Variants in HNRNPK observed in about 807,000 individuals in gnomAD.
HNRNPK encodes the protein dC-stretch binding protein.
HNRNPK carries 7 observed loss-of-function variants against 67.0 expected under a neutral mutation model. The ratio of observed to expected loss-of-function variants is 0.10; its 90% confidence interval spans 0.06 to 0.20. The LOEUF is 0.20. Ranked by LOEUF, HNRNPK falls within the 10% of genes least tolerant of loss-of-function variation. The pLI, the probability that HNRNPK is intolerant of heterozygous loss-of-function variation, is 1.00. For synonymous variants in HNRNPK, 213 were observed against 193.7 expected (o/e 1.10, Z -0.83); for missense variants, 264 against 606.5 (o/e 0.44, Z 5.93).
chr9:83,971,223 A>G, intron 13 of HNRNPK, 50 bp downstream of exon 13: 5 of 1,186,110 alleles, frequency 4.2e-6, no homozygotes, highest in Non-Finnish European at 6.3e-6. Context: ...AGAGCAGGTA[A>G]GCATCTTAAA....
rs749075045 is a variant in HNRNPK at position 83,971,876 on chromosome 9, A to G, written c.953+6T>C. The G allele has an allele frequency of 2.6e-6, 4 of 1,554,560 alleles. No homozygotes were observed. In the South Asian group the frequency reaches 4.9e-5, roughly 19 times the overall value. On this transcript the variant is annotated splice_donor_region_variant and intron_variant, in intron 11 of 16. Coordinates refer to ENST00000376263, the MANE Select transcript of HNRNPK (RefSeq NM_031263.4). ...AAAAACAACAACAACAAAAAAAACA[A>G]CTTACCCCCCTCTAGGTGGTGGTGG...
intron 4 of HNRNPK, among the ~76,000 whole-genome samples, chr9:83,977,328 T>G (rs1055008543): frequency 6.6e-6 from 1 of 152,088 alleles, no homozygotes; most frequent in Non-Finnish European, 1.5e-5. Flanking sequence ...TTTGGTAAAA[T>G]AAGTCAATTA....
Position 83,976,942 on chromosome 9 carries a change from T to C in HNRNPK, c.213+53A>G, listed in dbSNP as rs2274915. 0.23 allele frequency: 225,592 copies of C among 969,078 alleles called. 28,724 individuals carry two copies. Among genetic ancestry groups the C allele is most frequent in the Non-Finnish European group, 0.27 (167,829 of 624,774 alleles). 60.0% of individuals were successfully genotyped at this position (969,078 alleles called of 1,614,324 possible). A position where few individuals can be genotyped will look rare whatever the true frequency, so the allele number is the denominator to read the frequency against. On this transcript the variant is annotated intron_variant, in intron 5 of 16. Transcript: ENST00000376263. ...TAGGATGTAAATCTTTAAATTTCTA[T>C]AGACATATAAACTGAAGCTGCTCGT... is the stretch of plus-strand genomic sequence containing the variant.
At chr9:83,979,229 G>A (rs149293403) in intron 1 of HNRNPK, among the ~76,000 whole-genome samples, 1 of 152,298 alleles carries the variant, frequency 6.6e-6, no homozygotes, top group Admixed American at 6.5e-5. Flanking sequence ...AGACAGCAAA[G>A]AGCCAACAAG....
chr9:83,972,393 A>G (rs1048943936), intron 10 of HNRNPK: 3 of 561,780 alleles, frequency 5.3e-6, no homozygotes, highest in Middle Eastern at 4.6e-4. Flanking sequence ...ATGCTAAACA[A>G]AAGTGAGTTC....
In HNRNPK at chr9:83,979,603, C is replaced by T. The variant is rs545288881; in HGVS notation, c.-108+550G>A. Among the ~76,000 whole-genome samples, 4 of 152,328 alleles carry T rather than the reference C, an allele frequency of 2.6e-5. No individual in the cohort carries two copies. The South Asian group carries it at 8.3e-4, about 32-fold the overall frequency. On this transcript the variant is annotated intron_variant, in intron 1 of 16. Coordinates refer to ENST00000376263, the MANE Select transcript of HNRNPK (RefSeq NM_031263.4). Reference sequence around the variant, plus strand: ...AGTCGACAGCAGAAGCACCGCACCTCTCCTCACCCGGATCCGACAGGAAAT... The same window carrying T: ...AGTCGACAGCAGAAGCACCGCACCTTTCCTCACCCGGATCCGACAGGAAAT...
intron 7 of HNRNPK, 28 bp downstream of exon 7, chr9:83,974,482 TATTGTCA>T: frequency 9.7e-7 from 1 of 1,035,584 alleles, no homozygotes; most frequent in Non-Finnish European, 1.5e-6. Context: ...TCCCCCCTCA[TATTGTCA>T]AATACATTTA....
chr9:83,970,420 A>G (rs1196312851), intron 15 of HNRNPK, 89 bp from the exon 16 acceptor site: 1 of 1,044,672 alleles, frequency 9.6e-7, no homozygotes, highest in Non-Finnish European at 1.4e-6. Context: ...TATTAATTTT[A>G]TTCATTCAGA....
At chr9:83,977,932 T>A in intron 3 of HNRNPK, 146 bp from the exon 4 acceptor site, 1 of 617,710 alleles carries the variant, frequency 1.6e-6, no homozygotes, top group Non-Finnish European at 2.8e-6. Context: ...TGCTTCCATC[T>A]AGTAAAATGC....
At chr9:83,978,627 G>A (rs1280602310) in intron 1 of HNRNPK, among the ~76,000 whole-genome samples, 175 bp from the exon 2 acceptor site, 1 of 152,098 alleles carries the variant, frequency 6.6e-6, no homozygotes, top group Non-Finnish European at 1.5e-5. Flanking sequence ...AAAATTCAAG[G>A]GAGCCTGGTT....
chr9:83,971,289 A>G lies in HNRNPK; in HGVS notation c.1076T>C (p.Met359Thr), dbSNP rs1956826470. ...ATACTCAACCTGTGGTTCATAAGCC[A>G]TCTGCCATTCTGATGGGCTCCATGT... ...IDTWSPSEWQ[M>T]AYEPQGGSGY... Residue 359 changes from methionine (M) to threonine (T), a missense_variant, in exon 13 of 17, where the codon ATG becomes ACG. By Grantham distance (81) the Met-to-Thr change is moderately conservative. Transcript: ENST00000376263. The G allele has an allele frequency of 6.2e-7, 1 of 1,607,984 alleles. No homozygotes were observed. Among genetic ancestry groups the G allele is most frequent in the Non-Finnish European group, 8.5e-7 (1 of 1,174,482 alleles).
intron 7 of HNRNPK, 93 bp downstream of exon 7, chr9:83,974,424 G>C (rs1376324792): frequency 5.0e-6 from 3 of 594,756 alleles, no homozygotes; most frequent in Non-Finnish European, 8.9e-6. Context: ...CATATCCATT[G>C]TCTCTCCACC....
At position 83,971,323 on chromosome 9, in the gene HNRNPK, C is replaced by T. The variant is rs1014910492; in HGVS notation, c.1042G>A (p.Ala348Thr). 1.9e-5 allele frequency: 31 copies of T among 1,612,276 alleles called. No homozygotes were observed. The highest frequency in any genetic ancestry group is 2.6e-5 in the Non-Finnish European group (31 of 1,178,440). ...TCTGATGGGCTCCATGTATCTATTG[C>T]AGAGTCCCAAGTTTCATCAGCACTG... is the stretch of plus-strand genomic sequence containing the variant. ...GFSADETWDSAIDTWSPSEWQ... is the reference protein window; with the variant it reads ...GFSADETWDSTIDTWSPSEWQ... Residue 348 changes from alanine (A) to threonine (T), a missense_variant, in exon 13 of 17, where the codon GCA becomes ACA. Coordinates refer to ENST00000376263, the MANE Select transcript of HNRNPK (RefSeq NM_031263.4).
chr9:83,978,291 T>C lies in HNRNPK; in HGVS notation c.-27-12A>G. On this transcript the variant is annotated splice_polypyrimidine_tract_variant and intron_variant, in intron 2 of 16. Transcript: ENST00000376263. ...ACGGGCACACCAATCTGTGGAAAAATAAAGCAGCTAGTACATTTGGCTTAT... is the reference window on the plus strand; with the variant it reads ...ACGGGCACACCAATCTGTGGAAAAACAAAGCAGCTAGTACATTTGGCTTAT... The C allele has an allele frequency of 7.2e-7, 1 of 1,395,896 alleles. No homozygotes were observed. Among genetic ancestry groups the C allele is most frequent in the South Asian group, 1.6e-5 (1 of 62,232 alleles). 86.5% of individuals were successfully genotyped at this position (1,395,896 alleles called of 1,614,324 possible).
At chr9:83,975,747 A>G (rs1202704721) in intron 5 of HNRNPK, 13 of 579,300 alleles carry the variant, frequency 2.2e-5, no homozygotes, top group African/African-American at 3.7e-5. Flanking sequence ...AAAAGGGGGA[A>G]AAGCAATAAA....
At chr9:83,971,205 CT>C in intron 13 of HNRNPK, 67 bp downstream of exon 13, 1 of 1,105,260 alleles carries the variant, frequency 9.0e-7, no homozygotes, top group Non-Finnish European at 1.4e-6. Flanking sequence ...GAATAAAAAA[CT>C]TACTGGAGAG....
Position 83,973,932 on chromosome 9 carries a change from C to A in HNRNPK, c.372G>T (p.Pro124=). 1 of 1,613,716 alleles carries A rather than the reference C, an allele frequency of 6.2e-7. No individual in the cohort carries two copies. The stretch of plus-strand genomic sequence containing the variant: ...AGCATTCCACAGCATCAGATTCGAG[C>A]GGGAGCTGGCTGGTTGCAGTGGGTG... ...LPSPTATSQL[P]LESDAVECLN... is the part of the protein sequence containing the mutation. The change falls in exon 8 of 17, where the codon CCG becomes CCT. Residue 124 remains proline (P), a synonymous_variant. Coordinates refer to ENST00000376263, the MANE Select transcript of HNRNPK (RefSeq NM_031263.4).
chr9:83,978,412 C>CTGGGT lies in HNRNPK; in HGVS notation c.-72_-68dup. 1 of 1,395,198 alleles carries CTGGGT rather than the reference C, an allele frequency of 7.2e-7. No individual in the cohort carries two copies. The highest frequency in any genetic ancestry group is 9.3e-7 in the Non-Finnish European group (1 of 1,077,742). 86.4% of individuals were successfully genotyped at this position (1,395,198 alleles called of 1,614,324 possible). On this transcript the variant is annotated 5_prime_UTR_variant, in exon 2 of 17. Transcript: ENST00000376263. ...CCTTGCAGAGCAGAACTGAAGCGTTCTGGGTCGGACCAACAACTGACACCC... is the reference window on the plus strand; with the variant it reads ...CCTTGCAGAGCAGAACTGAAGCGTTCTGGGTTGGGTCGGACCAACAACTGACACCC...
intron 4 of HNRNPK, 33 bp from the exon 5 acceptor site, chr9:83,977,084 G>C (rs752477317): frequency 3.3e-6 from 5 of 1,536,556 alleles, no homozygotes; most frequent in Non-Finnish European, 4.5e-6. Flanking sequence ...AAATTATTTT[G>C]CCTTTCCCTA....
Sources: allele counts gnomAD v4.1 joint callset (sites outside exome capture counted in the v4.1 genomes callset), GRCh38; gene constraint gnomAD v4.1.1; transcripts MANE v1.5; gene names NCBI Gene and HGNC (gene_info 2026-07-23, HGNC 2026-07-21).